Variants in BCLAF1 observed in about 807,000 individuals in gnomAD.
BCLAF1 encodes the protein bcl-2-associated transcription factor 1.
A neutral mutation model predicts 99.5 loss-of-function variants in BCLAF1; 10 were observed. The ratio of observed to expected loss-of-function variants is 0.10; its 90% CI spans 0.06 to 0.17. The LOEUF is 0.17. Among genes scored for constraint, BCLAF1 ranks in the 10% least tolerant of loss-of-function variants. The probability of loss-of-function intolerance (pLI) is 1.00; values close to 1 mark genes in which losing one functional copy is unlikely to be tolerated. For missense variants in BCLAF1, 636 were observed against 1,105.8 expected, an observed-to-expected ratio of 0.58 and a Z score of 6.02; for synonymous variants, 255 against 370.9, an observed-to-expected ratio of 0.69 and a Z score of 3.59.
At chr6:136,288,028 GTCAA>G (rs1382051740) in intron 1 of BCLAF1, among the ~76,000 whole-genome samples, 2 of 152,246 alleles carry the variant, frequency 1.3e-5, no homozygotes, top group African/African-American at 2.4e-5. Flanking sequence ...TCAAGAATCA[GTCAA>G]TCAACCAGAC....
intron 2 of BCLAF1, among the ~76,000 whole-genome samples, 182 bp from the exon 3 acceptor site, chr6:136,280,058 C>A (rs1195832910): frequency 6.6e-6 from 1 of 152,174 alleles, no homozygotes; most frequent in African/African-American, 2.4e-5. Flanking sequence ...ACTGTTTTCA[C>A]CTGCATGACA....
At chr6:136,271,139 C>T (rs1321333819) in intron 8 of BCLAF1, among the ~76,000 whole-genome samples, 1 of 151,738 alleles carries the variant, frequency 6.6e-6, no homozygotes, top group African/African-American at 2.4e-5. Flanking sequence ...TTCAACAACT[C>T]TGCAAAACAG....
intron 11 of BCLAF1, among the ~76,000 whole-genome samples, chr6:136,265,512 T>C (rs928577207): frequency 1.3e-5 from 2 of 152,278 alleles, no homozygotes; most frequent in African/African-American, 2.4e-5. Context: ...ACACCCATGA[T>C]TTTTGTAAAC....
Position 136,258,883 on chromosome 6 carries a change from C to A in BCLAF1, c.*2227G>T, listed in dbSNP as rs182443219. The A allele has an allele frequency of 2.2e-3, 328 of 152,522 alleles. 2 individuals are homozygous for A. Among genetic ancestry groups the A allele is most frequent in the Middle Eastern group, 0.01 (3 of 294 alleles). The allele number at this position is 152,522 out of a possible 1,614,324, so 9.4% of individuals were successfully genotyped here. A position where few individuals can be genotyped will look rare whatever the true frequency, so the allele number is the denominator to read the frequency against. ...GGCCTTCTTAAACAGCTTTCTTAAT[C>A]CTTTCTGGAAATATCCTTTGGTTCA... On this transcript the variant is annotated 3_prime_UTR_variant, in exon 13 of 13. Transcript: ENST00000531224.
chr6:136,287,526 A>G (rs910659203), intron 1 of BCLAF1, among the ~76,000 whole-genome samples: 2 of 152,184 alleles, frequency 1.3e-5, no homozygotes, highest in African/African-American at 2.4e-5. Flanking sequence ...TTAGCTTCTT[A>G]ATTCCCTCTT....
chr6:136,261,128 GAAAA>G lies in BCLAF1; in HGVS notation c.2758-17_2758-14del. 1.4e-5 allele frequency: 22 copies of G among 1,576,750 alleles called. No individual in the cohort carries two copies. Among genetic ancestry groups the G allele is most frequent in the Non-Finnish European group, 1.9e-5 (22 of 1,161,158 alleles). On this transcript the variant is annotated splice_polypyrimidine_tract_variant and intron_variant, in intron 12 of 12. Coordinates refer to ENST00000531224, the MANE Select transcript of BCLAF1 (RefSeq NM_014739.3). ...ATATTTATTATTCCTAAAAGAGAGA[GAAAA>G]AATTAAAGATTAACAAAAGATGCGG...
rs112720821 is a variant in BCLAF1, at chr6:136,266,964, T to C, written c.2544+65A>G. 2.6e-3 allele frequency: 4,087 copies of C among 1,558,614 alleles called. 82 individuals carry two copies. The African/African-American group carries it at 0.044, about 17-fold the overall frequency. The stretch of plus-strand genomic sequence containing the variant: ...ATAGTAGTGGTTATCTGTACTCAAA[T>C]TTATTCACCTAGTATGCTTCGAAAA... On this transcript the variant is annotated intron_variant, in intron 11 of 12. Transcript: ENST00000531224.
intron 9 of BCLAF1, 75 bp from the exon 10 acceptor site, chr6:136,268,414 GAT>G (rs1232898812): frequency 7.4e-7 from 1 of 1,343,832 alleles, no homozygotes; most frequent in Admixed American, 2.1e-5. Flanking sequence ...CAACAGAAGA[GAT>G]ATTTTTCAAG....
At chr6:136,273,335 C>A (rs1782809377) in intron 6 of BCLAF1, 148 bp from the exon 7 acceptor site, 2 of 631,966 alleles carry the variant, frequency 3.2e-6, no homozygotes, top group African/African-American at 1.8e-5. Flanking sequence ...AACTCCTACC[C>A]TTTCAATTTC....
chr6:136,263,979 C>CTTTCAGAACCCTGACTCTGGAGCCCA (rs1781377900), intron 11 of BCLAF1, among the ~76,000 whole-genome samples: 2 of 152,182 alleles, frequency 1.3e-5, no homozygotes, highest in Non-Finnish European at 2.9e-5. Context: ...ACAAACAAGA[C>CTTTCAGAACCCTGACTCTGGAGCCCA]TTTCAGAACC....
intron 1 of BCLAF1, among the ~76,000 whole-genome samples, chr6:136,285,260 T>C (rs1474496833): frequency 1.3e-5 from 2 of 152,106 alleles, no homozygotes; most frequent in East Asian, 3.8e-4. Flanking sequence ...ATCCAAGATG[T>C]GGTTTGTCAA....
chr6:136,257,734 T>C lies in BCLAF1; in HGVS notation c.*3376A>G, dbSNP rs571213563. 6.6e-6 allele frequency: 1 copy of C among 152,250 alleles called. No individual in the cohort carries two copies. Among genetic ancestry groups the C allele is most frequent in the African/African-American group, 2.4e-5 (1 of 41,560 alleles). 9.4% of individuals were successfully genotyped at this position (152,250 alleles called of 1,614,324 possible). ...TTAATCCCAATGACAATGAAGTTTA[T>C]TCCTCCATTTGCCTTTCCTCTTCAA... On this transcript the variant is annotated 3_prime_UTR_variant, in exon 13 of 13. Transcript: ENST00000531224.
chr6:136,272,073 A>C lies in BCLAF1; in HGVS notation c.1965T>G (p.Ile655Met). 1 of 1,584,260 alleles carries C rather than the reference A, an allele frequency of 6.3e-7. No individual in the cohort carries two copies. Reference sequence around the variant, plus strand: ...TCCTCAGGGTACTTGGTGAGATGTCAATTCTCCTTAATGTAAAATAAAATA... The same window carrying C: ...TCCTCAGGGTACTTGGTGAGATGTCCATTCTCCTTAATGTAAAATAAAATA... ...RQKSPEIHRRIDISPSTLRKH... is the reference protein window; with the variant it reads ...RQKSPEIHRRMDISPSTLRKH... Residue 655 changes from isoleucine to methionine, a missense_variant, in exon 8 of 13, where the codon ATT (isoleucine) becomes ATG (methionine). Ile to Met is a conservative substitution (Grantham distance 10). Transcript: ENST00000531224.
intron 1 of BCLAF1, among the ~76,000 whole-genome samples, chr6:136,289,482 C>A (rs1419670923): frequency 6.6e-6 from 1 of 152,170 alleles, no homozygotes; most frequent in East Asian, 1.9e-4. Flanking sequence ...GGTTCGCAAA[C>A]ACGCGCGCGC....
chr6:136,277,798 T>C, intron 4 of BCLAF1, 67 bp downstream of exon 4: 1 of 1,505,420 alleles, frequency 6.6e-7, no homozygotes, highest in South Asian at 1.3e-5. Flanking sequence ...TTTACGTTTA[T>C]AATTCCAAAC....
Position 136,279,026 on chromosome 6 carries a change from C to CACACGT in BCLAF1, c.105-251_105-250insACGTGT, listed in dbSNP as rs1554219522. On this transcript the variant is annotated intron_variant, in intron 3 of 12. Coordinates refer to ENST00000531224, the MANE Select transcript of BCLAF1 (RefSeq NM_014739.3). Reference sequence around the variant, plus strand: ...ACACACACACACACACACACACACACGCATGTGTTATATATATCACATGCA... The same window carrying CACACGT: ...ACACACACACACACACACACACACACACACGTGCATGTGTTATATATATCACATGCA... Among the ~76,000 whole-genome samples, 905 of 151,170 alleles carry CACACGT rather than the reference C, an allele frequency of 6.0e-3. 15 individuals are homozygous for CACACGT. The highest frequency in any genetic ancestry group is 0.021 in the African/African-American group (847 of 41,080).
At chr6:136,280,668 A>G (rs1784268541) in intron 2 of BCLAF1, among the ~76,000 whole-genome samples, 1 of 152,226 alleles carries the variant, frequency 6.6e-6, no homozygotes, top group South Asian at 2.1e-4. Context: ...ATCCAATGCT[A>G]TAATTAGACC....
intron 3 of BCLAF1, 21 bp downstream of exon 3, chr6:136,279,742 A>C: frequency 6.5e-7 from 1 of 1,529,042 alleles, no homozygotes; most frequent in South Asian, 1.3e-5. Context: ...TATTTTAAAA[A>C]TTTAAAGCAC....
intron 11 of BCLAF1, among the ~76,000 whole-genome samples, chr6:136,266,681 G>A (rs1277889419): frequency 6.6e-6 from 1 of 151,936 alleles, no homozygotes; most frequent in Non-Finnish European, 1.5e-5. Flanking sequence ...ATAATGGAAG[G>A]TACATCTTAA....
Sources: allele counts gnomAD v4.1 joint callset (sites outside exome capture counted in the v4.1 genomes callset), GRCh38; gene constraint gnomAD v4.1.1; transcripts MANE v1.5; gene names NCBI Gene and HGNC (gene_info 2026-07-23, HGNC 2026-07-21).